SV2C: variants seen among roughly 807,000 people sequenced by gnomAD.
SV2C encodes solute carrier family 22 member B3.
SV2C carries 49 observed loss-of-function variants against 79.7 expected under a neutral mutation model. The ratio of observed to expected loss-of-function variants is 0.61; its 90% CI spans 0.49 to 0.78. SV2C has a LOEUF of 0.78. SV2C is among the 30% of genes least tolerant of loss of function. The pLI is 0.00. For synonymous variants in SV2C, 334 were observed against 333.2 expected (o/e 1.00, Z -0.03); for missense variants, 833 against 912.9 (o/e 0.91, Z 1.13).
At position 76,135,545 on chromosome 5, in the gene SV2C, C is replaced by T. The variant is rs960597840; in HGVS notation, c.580+3215C>T. On this transcript the variant is annotated intron_variant, in intron 2 of 12. Coordinates refer to ENST00000502798, the MANE Select transcript of SV2C (RefSeq NM_014979.4). ...GAAGGGATGTATAGCTTTCAGGCGCCGCAGTCTTGCAGTAGAGGCTGGCAA... is the reference window on the plus strand; with the variant it reads ...GAAGGGATGTATAGCTTTCAGGCGCTGCAGTCTTGCAGTAGAGGCTGGCAA... Among the ~76,000 whole-genome samples the T allele has an allele frequency of 1.4e-4, 22 of 152,278 alleles. No homozygotes were observed. The East Asian group carries it at 2.3e-3, about 16-fold the overall frequency.
chr5:75,900,406 G>C, the SV2C span, among the ~76,000 whole-genome samples: 21,972 of 152,142 alleles, frequency 0.14, 5,199 homozygotes, highest in African/African-American at 0.49. Flanking sequence ...CTGTCTTCTG[G>C]CTTGTAGAGT....
chr5:75,918,730 A>G, the SV2C span, among the ~76,000 whole-genome samples: 3 of 152,240 alleles, frequency 2.0e-5, no homozygotes, highest in African/African-American at 7.2e-5. Context: ...GTGGTAGATA[A>G]CAAGAGTGAT....
chr5:76,239,099 TG>T (rs781354193), intron 4 of SV2C, among the ~76,000 whole-genome samples: 3 of 152,176 alleles, frequency 2.0e-5, no homozygotes, highest in Non-Finnish European at 2.9e-5. Flanking sequence ...CCCCCACTTC[TG>T]TATGTCCTGA....
At chr5:76,274,634 A>G (rs1746966981) in intron 4 of SV2C, among the ~76,000 whole-genome samples, 1 of 149,504 alleles carries the variant, frequency 6.7e-6, no homozygotes. Context: ...TCTCCCCTCC[A>G]TGTGCCCCCC....
chr5:76,217,781 A>G (rs915314787), intron 4 of SV2C, among the ~76,000 whole-genome samples: 1 of 152,186 alleles, frequency 6.6e-6, no homozygotes, highest in African/African-American at 2.4e-5. Flanking sequence ...AAGCTAAGAT[A>G]AAAGAGAACC....
the SV2C span, among the ~76,000 whole-genome samples, chr5:75,912,114 A>G: frequency 6.6e-6 from 1 of 152,238 alleles, no homozygotes; most frequent in Non-Finnish European, 1.5e-5. Flanking sequence ...AGGTTTTAGC[A>G]TTATTAGAAT....
chr5:76,250,081 C>T (rs780284932), intron 4 of SV2C, among the ~76,000 whole-genome samples: 3 of 152,142 alleles, frequency 2.0e-5, no homozygotes, highest in Non-Finnish European at 2.9e-5. Flanking sequence ...GACCTTAATT[C>T]TTCATTGTGT....
rs532383370 is a variant in SV2C, at chr5:76,204,477, T to C, written c.762-5259T>C. ...TTCAACTTTCTCCTTAATTATGTTC[T>C]TGCAGAATGTCCCATCTTCCAGTGG... is the stretch of plus-strand genomic sequence containing the variant. On this transcript the variant is annotated intron_variant, in intron 3 of 12. Transcript: ENST00000502798. Among the ~76,000 whole-genome samples the C allele has an allele frequency of 9.2e-5, 14 of 152,308 alleles. No individual in the cohort carries two copies. The South Asian group carries it at 2.3e-3, about 25-fold the overall frequency.
chr5:76,258,252 G>T (rs115130042), intron 4 of SV2C, among the ~76,000 whole-genome samples: 1 of 151,926 alleles, frequency 6.6e-6, no homozygotes, highest in Non-Finnish European at 1.5e-5. Flanking sequence ...ACTGCTGCCC[G>T]GCCCTTTGGA....
the SV2C span, among the ~76,000 whole-genome samples, chr5:75,969,850 C>T: frequency 0.24 from 36,521 of 151,980 alleles, 5,861 homozygotes; most frequent in Non-Finnish European, 0.37. Context: ...AACTCTCCAC[C>T]CCAAATCAAC....
At chr5:76,225,894 T>G (rs16873252) in intron 4 of SV2C, among the ~76,000 whole-genome samples, 5,139 of 152,274 alleles carry the variant, frequency 0.034, 269 homozygotes, top group African/African-American at 0.11. Context: ...AAATGCTCAT[T>G]GGGCATCCGT....
At chr5:76,001,902 G>A in the SV2C span, among the ~76,000 whole-genome samples, 4 of 152,058 alleles carry the variant, frequency 2.6e-5, no homozygotes, top group Admixed American at 2.6e-4. Context: ...CCCGTCACCT[G>A]AGCAGGGTAC....
intron 1 of SV2C, among the ~76,000 whole-genome samples, chr5:76,109,211 C>A (rs1006764789): frequency 1.3e-5 from 2 of 152,262 alleles, no homozygotes; most frequent in African/African-American, 4.8e-5. Flanking sequence ...TAGGATTGTT[C>A]ATGTGTGCTC....
At chr5:76,009,388 G>A in the SV2C span, among the ~76,000 whole-genome samples, 1 of 152,160 alleles carries the variant, frequency 6.6e-6, no homozygotes, top group Non-Finnish European at 1.5e-5. Context: ...ATTACCATTT[G>A]ACCCAGAAAT....
the SV2C span, among the ~76,000 whole-genome samples, chr5:75,988,446 A>G: frequency 6.6e-6 from 1 of 152,056 alleles, no homozygotes; most frequent in Non-Finnish European, 1.5e-5. Context: ...CCAGAAATAC[A>G]AATAATTAGG....
chr5:75,971,383 T>C, the SV2C span, among the ~76,000 whole-genome samples: 13 of 152,192 alleles, frequency 8.5e-5, no homozygotes, highest in Admixed American at 8.5e-4. Context: ...GGAAGTCAAA[T>C]TGTCCCTGTT....
the SV2C span, among the ~76,000 whole-genome samples, chr5:75,947,007 G>A: frequency 1.3e-5 from 2 of 152,232 alleles, no homozygotes; most frequent in East Asian, 1.9e-4. Flanking sequence ...CTGATTGGCT[G>A]AGTCTGGTCA....
At chr5:76,240,968 T>C (rs1225792439) in intron 4 of SV2C, among the ~76,000 whole-genome samples, 1 of 152,180 alleles carries the variant, frequency 6.6e-6, no homozygotes, top group Non-Finnish European at 1.5e-5. Context: ...ATTTCCACTT[T>C]TTTTTGAGAT....
rs1355041023 is a variant in SV2C, at chr5:76,199,473, CCAGTGGGT to C, written c.761+4376_761+4383del. Among the ~76,000 whole-genome samples, 3 of 152,176 alleles carry C rather than the reference CCAGTGGGT, an allele frequency of 2.0e-5. No homozygotes were observed. The East Asian group carries it at 5.8e-4, about 29-fold the overall frequency. ...AGAGGCGTTTCCTGAGACCACACAC[CCAGTGGGT>C]CTCAGAGAGTTTCCTGTTTTGTCTC... On this transcript the variant is annotated intron_variant, in intron 3 of 12. Coordinates refer to ENST00000502798, the MANE Select transcript of SV2C (RefSeq NM_014979.4).
Sources: allele counts gnomAD v4.1 joint callset (sites outside exome capture counted in the v4.1 genomes callset), GRCh38; gene constraint gnomAD v4.1.1; transcripts MANE v1.5; gene names NCBI Gene and HGNC (gene_info 2026-07-23, HGNC 2026-07-21).